The following AMPD3 variants were observed in gnomAD, a reference collection of about 807,000 sequenced individuals.
AMPD3 encodes the protein adenosine monophosphate deaminase 3.
A neutral mutation model predicts 82.3 loss-of-function variants in AMPD3; 57 were observed. The ratio of observed to expected loss-of-function variants is 0.69; its 90% CI spans 0.56 to 0.86. The LOEUF (loss-of-function observed/expected upper bound fraction) is 0.86. AMPD3 is among the 40% of genes least tolerant of loss of function. The pLI is 0.00. For missense variants in AMPD3, 870 were observed against 1,003.8 expected (o/e 0.87, Z 1.80); for synonymous variants, 381 against 394.7 (o/e 0.97, Z 0.41).
chr11:10,502,726 G>A lies in AMPD3; in HGVS notation c.1848G>A (p.Pro616=), dbSNP rs371271160. 1.4e-5 allele frequency: 22 copies of A among 1,613,946 alleles called. No individual in the cohort carries two copies. Among genetic ancestry groups the A allele is most frequent in the African/African-American group, 8.0e-5 (6 of 74,900 alleles). ...ISHGLLLKKS[P]VLQYLYYLAQ... ...GTTCGGTGGTTCTTTTGCAGAGTCC[G>A]GTATTGCAGTATCTCTACTACCTTG... The change falls in exon 13 of 15, where the codon CCG becomes CCA. Residue 616 remains proline (P), a synonymous_variant. Coordinates refer to ENST00000396553, the MANE Select transcript of AMPD3 (RefSeq NM_001025389.2).
chr11:10,469,041 G>A (rs930284930), intron 2 of AMPD3, among the ~76,000 whole-genome samples: 2 of 152,156 alleles, frequency 1.3e-5, no homozygotes, highest in Non-Finnish European at 2.9e-5. Flanking sequence ...GAGAAAGCAG[G>A]AAAGATCTAA....
chr11:10,459,912 T>G (rs192872616), intron 1 of AMPD3, among the ~76,000 whole-genome samples: 20 of 151,816 alleles, frequency 1.3e-4, no homozygotes, highest in Non-Finnish European at 1.5e-5. Context: ...TTATTAAAAG[T>G]GTGACCCTGG....
At chr11:10,485,158 A>G in intron 5 of AMPD3, 119 bp downstream of exon 5, 13 of 982,426 alleles carry the variant, frequency 1.3e-5, no homozygotes, top group Non-Finnish European at 1.9e-5. Flanking sequence ...TCCCAGAAAG[A>G]GCGCGGTTTC....
intron 5 of AMPD3, among the ~76,000 whole-genome samples, chr11:10,486,351 TG>T (rs1272517014): frequency 3.3e-5 from 5 of 152,260 alleles, no homozygotes; most frequent in Middle Eastern, 3.4e-3. Context: ...CTGTTTGTTT[TG>T]GGGGCCTGAG....
chr11:10,491,401 G>T (rs1849236721), intron 6 of AMPD3, among the ~76,000 whole-genome samples: 1 of 152,198 alleles, frequency 6.6e-6, no homozygotes, highest in African/African-American at 2.4e-5. Flanking sequence ...GTAGGATCCA[G>T]GCAATATTAG....
chr11:10,460,364 G>T (rs1414670674), intron 1 of AMPD3, among the ~76,000 whole-genome samples: 2 of 151,184 alleles, frequency 1.3e-5, no homozygotes, highest in South Asian at 2.1e-4. Flanking sequence ...CTCCCAAAGT[G>T]CTGGTATTAC....
intron 4 of AMPD3, among the ~76,000 whole-genome samples, chr11:10,483,133 T>C (rs1848962569): frequency 6.6e-6 from 1 of 152,202 alleles, no homozygotes; most frequent in Non-Finnish European, 1.5e-5. Flanking sequence ...TTCTGGCATC[T>C]AGTGAGTGTT....
At chr11:10,476,035 G>A (rs1292087885) in intron 2 of AMPD3, among the ~76,000 whole-genome samples, 4 of 152,182 alleles carry the variant, frequency 2.6e-5, no homozygotes, top group Non-Finnish European at 5.9e-5. Flanking sequence ...CTATAGAACT[G>A]TGAGCTAATA....
rs1030138288 is a variant in AMPD3 at position 10,482,359 on chromosome 11, A to C, written c.589+134A>C. 2.9e-6 allele frequency: 3 copies of C among 1,042,766 alleles called. No individual in the cohort carries two copies. In the African/African-American group the frequency reaches 4.8e-5, roughly 17 times the overall value. 64.6% of individuals were successfully genotyped at this position (1,042,766 alleles called of 1,614,324 possible). ...ATGTTCTTTCATTGGCTTCTCCCAC[A>C]CTGATGTTTGATGGTTCCCCCAAGG... On this transcript the variant is annotated intron_variant, in intron 4 of 14. Transcript: ENST00000396553.
intron 2 of AMPD3, among the ~76,000 whole-genome samples, chr11:10,476,475 T>TTG (rs1554897416): frequency 2.9e-4 from 44 of 150,388 alleles, no homozygotes; most frequent in East Asian, 3.9e-4. Context: ...GTTTTTTTTT[T>TTG]TGTGTGTGTG....
chr11:10,457,188 A>G (rs1468128159), intron 1 of AMPD3, among the ~76,000 whole-genome samples: 1 of 151,246 alleles, frequency 6.6e-6, no homozygotes, highest in Non-Finnish European at 1.5e-5. Flanking sequence ...GACATATTGC[A>G]CCAGGCTGAT....
chr11:10,456,489 G>A lies in AMPD3; in HGVS notation c.-6+1041G>A, dbSNP rs1848098731. On this transcript the variant is annotated intron_variant, in intron 1 of 14. Coordinates refer to ENST00000396553, the MANE Select transcript of AMPD3 (RefSeq NM_001025389.2). The surrounding 1 kb of genome is among the most constrained non-coding windows in gnomAD (Gnocchi z 4.3). ...AACGAGGGGATTTCAGTGGCACTGG[G>A]CTTCCTTTCTGGAGGGACTGTGGCA... 2 of 1,613,412 alleles carry A rather than the reference G, an allele frequency of 1.2e-6. No homozygotes were observed. The highest frequency in any genetic ancestry group is 2.2e-5 in the South Asian group (2 of 91,050).
intron 11 of AMPD3, chr11:10,501,110 T>C (rs554503191): frequency 2.0e-6 from 2 of 985,366 alleles, no homozygotes; most frequent in East Asian, 2.3e-4. Context: ...GGTTTGCCCA[T>C]TTCCATAACA....
At chr11:10,480,975 G>A (rs748165813) in intron 3 of AMPD3, among the ~76,000 whole-genome samples, 10 of 152,130 alleles carry the variant, frequency 6.6e-5, no homozygotes, top group Non-Finnish European at 8.8e-5. Flanking sequence ...GTTGGAAGGC[G>A]GGAATTTATC....
chr11:10,463,835 T>C lies in AMPD3; in HGVS notation c.221+2095T>C, dbSNP rs898816958. On this transcript the variant is annotated intron_variant, in intron 2 of 14. Transcript: ENST00000396553. ...TATGGTGTCTTAGTTTGCATCTGTC[T>C]GCGCCATTTGACTAGACGCTCCTTG... 4.7e-4 allele frequency among the ~76,000 whole-genome samples: 72 copies of C among 152,236 alleles called. 1 individual carries two copies. Among genetic ancestry groups the C allele is most frequent in the African/African-American group, 1.6e-3 (67 of 41,456 alleles).
At chr11:10,478,458 A>G (rs1848803670) in intron 2 of AMPD3, 68 bp from the exon 3 acceptor site, 10 of 1,598,848 alleles carry the variant, frequency 6.3e-6, no homozygotes, top group Non-Finnish European at 8.6e-6. Flanking sequence ...GCACACAGCA[A>G]AGAGTCTTTA....
intron 6 of AMPD3, chr11:10,490,465 G>A: frequency 1.0e-6 from 1 of 985,172 alleles, no homozygotes; most frequent in Non-Finnish European, 1.2e-6. Context: ...AATGGTCAAT[G>A]TTGGCTTAGG....
chr11:10,469,412 C>T lies in AMPD3; in HGVS notation c.221+7672C>T, dbSNP rs112958590. Among the ~76,000 whole-genome samples, 1,009 of 152,254 alleles carry T rather than the reference C, an allele frequency of 6.6e-3. 8 individuals are homozygous for T. Among genetic ancestry groups the T allele is most frequent in the African/African-American group, 0.023 (952 of 41,528 alleles). On this transcript the variant is annotated intron_variant, in intron 2 of 14. Transcript: ENST00000396553. ...AAAATCTAGAAGAATTGGATAAATT[C>T]CTGGATGCATACACTCTCCCAAGTC...
intron 2 of AMPD3, among the ~76,000 whole-genome samples, chr11:10,467,784 A>G (rs1046253848): frequency 6.6e-6 from 1 of 152,240 alleles, no homozygotes; most frequent in Non-Finnish European, 1.5e-5. Context: ...CAGGCTACCC[A>G]CAAAGAGAAG....
Sources: allele counts gnomAD v4.1 joint callset (sites outside exome capture counted in the v4.1 genomes callset), GRCh38; gene constraint gnomAD v4.1.1; non-coding constraint Gnocchi (gnomAD v3.1); transcripts MANE v1.5; gene names NCBI Gene and HGNC (gene_info 2026-07-23, HGNC 2026-07-21).